SDC3: variants seen among roughly 807,000 people sequenced by gnomAD.
SDC3 encodes the protein syndecan-3.
In SDC3, 13 loss-of-function variants were observed where a neutral mutation model predicts 24.4. The ratio of observed to expected loss-of-function variants is 0.53; its 90% CI spans 0.35 to 0.85. The LOEUF (loss-of-function observed/expected upper bound fraction) is 0.85. SDC3 is among the 40% of genes least tolerant of loss of function. The probability of loss-of-function intolerance (pLI) is 0.01; values close to 1 mark genes in which losing one functional copy is unlikely to be tolerated. For missense variants in SDC3, 571 were observed against 584.5 expected (o/e 0.98, Z 0.24); for synonymous variants, 295 against 260.9 (o/e 1.13, Z -1.26).
In SDC3 at chr1:30,894,132, TGAGA is replaced by T. The variant is rs535601797; in HGVS notation, c.138+14313_138+14316del. Among the ~76,000 whole-genome samples, 51 of 151,358 alleles carry T rather than the reference TGAGA, an allele frequency of 3.4e-4. No individual in the cohort carries two copies. In the South Asian group the frequency reaches 5.0e-3, roughly 15 times the overall value. On this transcript the variant is annotated intron_variant, in intron 1 of 4. Coordinates refer to ENST00000339394, the MANE Select transcript of SDC3 (RefSeq NM_014654.4). ...TCAGAGCCCCAGCAGTGTGTGTGTGTGAGAGAGAGTGTGTGATTGTGAGTGTGCG... is the reference window on the plus strand; with the variant it reads ...TCAGAGCCCCAGCAGTGTGTGTGTGTGAGAGTGTGTGATTGTGAGTGTGCG...
At chr1:30,876,039 T>C (rs1046968909) in intron 3 of SDC3, among the ~76,000 whole-genome samples, 1 of 152,202 alleles carries the variant, frequency 6.6e-6, no homozygotes, top group African/African-American at 2.4e-5. Context: ...CGACAGCAGC[T>C]GAGAACCCAC....
chr1:30,886,033 A>G (rs1040468407), intron 1 of SDC3, among the ~76,000 whole-genome samples: 5 of 152,162 alleles, frequency 3.3e-5, no homozygotes, highest in African/African-American at 4.8e-5. Context: ...CCTGTCCCCA[A>G]GCTCGTGCCT....
chr1:30,906,608 G>C lies in SDC3; in HGVS notation c.138+1841C>G, dbSNP rs538792022. On this transcript the variant is annotated intron_variant, in intron 1 of 4. Transcript: ENST00000339394. ...CCTTTCATTCATGTGCACACCACAT[G>C]ACTCCTGAGCTCCTTCTCAGGACAC... Among the ~76,000 whole-genome samples, 12 of 152,194 alleles carry C rather than the reference G, an allele frequency of 7.9e-5. No homozygotes were observed. In the South Asian group the frequency reaches 1.9e-3, roughly 24 times the overall value.
intron 1 of SDC3, among the ~76,000 whole-genome samples, chr1:30,906,540 C>T (rs976557054): frequency 5.9e-5 from 9 of 152,302 alleles, no homozygotes; most frequent in East Asian, 1.9e-4. Flanking sequence ...GCCTGCCCAG[C>T]GCTCCACCTG....
At chr1:30,894,749 G>A (rs371046970) in intron 1 of SDC3, among the ~76,000 whole-genome samples, 60 of 151,800 alleles carry the variant, frequency 4.0e-4, no homozygotes, top group African/African-American at 9.0e-4. Context: ...ATGTGTGGGC[G>A]TACACAGGCA....
chr1:30,876,340 T>C (rs1449112054), intron 3 of SDC3, among the ~76,000 whole-genome samples: 1 of 152,020 alleles, frequency 6.6e-6, no homozygotes, highest in African/African-American at 2.4e-5. Context: ...CAATGTCCCA[T>C]CCCATTAGGA....
chr1:30,891,524 C>T (rs1007109078), intron 1 of SDC3, among the ~76,000 whole-genome samples: 3 of 152,204 alleles, frequency 2.0e-5, no homozygotes, highest in Non-Finnish European at 2.9e-5. Flanking sequence ...CCCTTAGGCC[C>T]TGTCTTGAGC....
rs1421283828 is a variant in SDC3 at position 30,876,993 on chromosome 1, C to G, written c.429G>C (p.Leu143=). The G allele has an allele frequency of 6.2e-7, 1 of 1,613,784 alleles. No individual in the cohort carries two copies. Among genetic ancestry groups the G allele is most frequent in the Admixed American group, 1.7e-5 (1 of 60,024 alleles). Residue 143 remains leucine (L), a synonymous_variant, in exon 3 of 5, where the codon CTG becomes CTC. Coordinates refer to ENST00000339394, the MANE Select transcript of SDC3 (RefSeq NM_014654.4). ...RPTLEPATSP[L]VVTEVPEEPS... ...GCTCTTCCGGGACTTCTGTCACCAC[C>G]AGGGGGCTGGTGGCTGGCTCCAGGG...
At position 30,877,926 on chromosome 1, in the gene SDC3, G is replaced by T. The variant is rs561926247; in HGVS notation, c.256+697C>A. On this transcript the variant is annotated intron_variant, in intron 2 of 4. Transcript: ENST00000339394. ...GGCTGTGGGGAGCCAGCTCTGTGGC[G>T]TGCAGACCCCGTACCATCTCCTCAG... The T allele has an allele frequency of 2.0e-5, 3 of 152,672 alleles. No individual in the cohort carries two copies. The East Asian group carries it at 5.8e-4, about 29-fold the overall frequency. 9.5% of individuals were successfully genotyped at this position (152,672 alleles called of 1,614,324 possible). A position where few individuals can be genotyped will look rare whatever the true frequency, so the allele number is the denominator to read the frequency against.
At chr1:30,900,592 C>T (rs750576355) in intron 1 of SDC3, among the ~76,000 whole-genome samples, 13 of 152,196 alleles carry the variant, frequency 8.5e-5, no homozygotes, top group Non-Finnish European at 1.5e-4. Context: ...CCACCTCCCC[C>T]CAGCTCTCCA....
At position 30,874,400 on chromosome 1, in the gene SDC3, A is replaced by G. The variant is rs1326520578; in HGVS notation, c.1059T>C (p.Gly353=). 2 of 1,613,930 alleles carry G rather than the reference A, an allele frequency of 1.2e-6. No homozygotes were observed. The highest frequency in any genetic ancestry group is 2.7e-5 in the African/African-American group (2 of 74,914). Residue 353 remains glycine (G), a synonymous_variant, in exon 4 of 5, where the codon GGT becomes GGC. Coordinates refer to ENST00000339394, the MANE Select transcript of SDC3 (RefSeq NM_014654.4). ...ASSPPGTLPK[G]ARPGPGLLDN... ...CCAGGAGGCCAGGGCCCGGGCGGGCACCCTTGGGCAGTGTCCCAGGTGGAG... is the reference window on the plus strand; with the variant it reads ...CCAGGAGGCCAGGGCCCGGGCGGGCGCCCTTGGGCAGTGTCCCAGGTGGAG...
Position 30,872,845 on chromosome 1 carries a change from G to A in SDC3, c.*366C>T. ...TGCCCCAAAAAGGAGATCTCAGTGA[G>A]CACTGTGGGTGCCAAGTCAGGGCTC... On this transcript the variant is annotated 3_prime_UTR_variant, in exon 5 of 5. Transcript: ENST00000339394. 4.3e-5 allele frequency: 11 copies of A among 255,728 alleles called. No homozygotes were observed. Among genetic ancestry groups the A allele is most frequent in the South Asian group, 1.5e-4 (2 of 12,970 alleles). The allele number at this position is 255,728 out of a possible 1,614,324, so 15.8% of individuals were successfully genotyped here. A position where few individuals can be genotyped will look rare whatever the true frequency, so the allele number is the denominator to read the frequency against.
chr1:30,892,339 C>A (rs903168261), intron 1 of SDC3, among the ~76,000 whole-genome samples: 2 of 152,126 alleles, frequency 1.3e-5, no homozygotes, highest in African/African-American at 2.4e-5. Context: ...CCAGCTTCTG[C>A]CAGTAGGGAC....
intron 1 of SDC3, among the ~76,000 whole-genome samples, chr1:30,883,068 A>G (rs1639769982): frequency 6.6e-6 from 1 of 152,180 alleles, no homozygotes; most frequent in African/African-American, 2.4e-5. Flanking sequence ...GTAAGCCTCA[A>G]CCTCCTCATG....
chr1:30,905,538 G>T (rs189335511), intron 1 of SDC3, among the ~76,000 whole-genome samples: 6 of 151,600 alleles, frequency 4.0e-5, no homozygotes, highest in Admixed American at 3.9e-4. Context: ...TTCCATTCTC[G>T]CATTGTCTCC....
At chr1:30,901,813 A>G (rs200102002) in intron 1 of SDC3, among the ~76,000 whole-genome samples, 1 of 12,472 alleles carries the variant, frequency 8.0e-5, no homozygotes, top group African/African-American at 3.0e-4. Context: ...AGGTGAATGG[A>G]AAAAAAACAA....
Position 30,869,532 on chromosome 1 carries a change from CAAACAA to C in SDC3, c.*3673_*3678del, listed in dbSNP as rs1639490251. 1 of 277,008 alleles carries C rather than the reference CAAACAA, an allele frequency of 3.6e-6. No individual in the cohort carries two copies. The highest frequency in any genetic ancestry group is 7.0e-5 in the African/African-American group (1 of 14,294). 17.2% of individuals were successfully genotyped at this position (277,008 alleles called of 1,614,324 possible). A position where few individuals can be genotyped will look rare whatever the true frequency, so the allele number is the denominator to read the frequency against. ...GCACAGGAAGTGTTAAAAAAACAAA[CAAACAA>C]AAAAAAAAAAAAAAAAAAAAAAACA... On this transcript the variant is annotated 3_prime_UTR_variant, in exon 5 of 5. Transcript: ENST00000339394.
intron 4 of SDC3, 43 bp downstream of exon 4, chr1:30,874,253 TG>T: frequency 6.6e-7 from 1 of 1,512,454 alleles, no homozygotes; most frequent in African/African-American, 1.4e-5. Flanking sequence ...TGTCTCACTC[TG>T]GTATCCTCCC....
At chr1:30,879,882 A>C (rs1639713355) in intron 1 of SDC3, 1 of 152,478 alleles carries the variant, frequency 6.6e-6, no homozygotes, top group South Asian at 2.1e-4. Flanking sequence ...AAGCCTGTAC[A>C]AACCCAAAGA....
Sources: allele counts gnomAD v4.1 joint callset (sites outside exome capture counted in the v4.1 genomes callset), GRCh38; gene constraint gnomAD v4.1.1; transcripts MANE v1.5; gene names NCBI Gene and HGNC (gene_info 2026-07-23, HGNC 2026-07-21).